The following PPARGC1A variants were observed in gnomAD, a reference collection of about 807,000 sequenced individuals.
The protein encoded by PPARGC1A is PPARG coactivator 1 alpha.
In PPARGC1A, 25 loss-of-function variants were observed where a neutral mutation model predicts 88.7. The ratio of observed to expected loss-of-function variants is 0.28; its 90% CI spans 0.21 to 0.39. PPARGC1A has a LOEUF of 0.39. PPARGC1A is among the 10% of genes least tolerant of loss of function. The pLI, the probability that PPARGC1A is intolerant of heterozygous loss-of-function variation, is 1.00. For synonymous variants in PPARGC1A, 363 were observed against 355.6 expected (o/e 1.02, Z -0.24); for missense variants, 880 against 968.7 (o/e 0.91, Z 1.22).
At chr4:24,080,188 C>A in the PPARGC1A span, among the ~76,000 whole-genome samples, 1 of 151,954 alleles carries the variant, frequency 6.6e-6, no homozygotes, top group Non-Finnish European at 1.5e-5. Context: ...GAAGATGACA[C>A]CTATCTCCAT....
At chr4:23,797,724 T>C (rs565315169) in intron 12 of PPARGC1A, among the ~76,000 whole-genome samples, 69 of 152,278 alleles carry the variant, frequency 4.5e-4, no homozygotes, top group African/African-American at 1.6e-3. Flanking sequence ...AAAATATTTT[T>C]TGTTGCATGA....
the PPARGC1A span, among the ~76,000 whole-genome samples, chr4:24,130,472 AC>A: frequency 6.6e-6 from 1 of 152,194 alleles, no homozygotes; most frequent in Non-Finnish European, 1.5e-5. Context: ...TCTGAGCCTT[AC>A]AATGATATCT....
chr4:23,948,760 T>C, the PPARGC1A span, among the ~76,000 whole-genome samples: 1 of 152,336 alleles, frequency 6.6e-6, no homozygotes, highest in South Asian at 2.1e-4. Context: ...ATAAATTATA[T>C]GATCACTCTG....
chr4:24,376,667 G>T, the PPARGC1A span, among the ~76,000 whole-genome samples: 1 of 152,176 alleles, frequency 6.6e-6, no homozygotes, highest in South Asian at 2.1e-4. Context: ...AATATTTATG[G>T]GTGCCTAAAA....
chr4:24,207,013 T>C, the PPARGC1A span, among the ~76,000 whole-genome samples: 1 of 152,100 alleles, frequency 6.6e-6, no homozygotes. Flanking sequence ...TTTACTTCCT[T>C]TGAATCACAA....
At chr4:24,331,964 G>T in the PPARGC1A span, among the ~76,000 whole-genome samples, 9 of 151,730 alleles carry the variant, frequency 5.9e-5, no homozygotes, top group Non-Finnish European at 1.3e-4. Context: ...GCCCCGGTGT[G>T]TGACGTTCCC....
At chr4:24,251,088 A>G in the PPARGC1A span, among the ~76,000 whole-genome samples, 3 of 152,226 alleles carry the variant, frequency 2.0e-5, no homozygotes, top group Non-Finnish European at 2.9e-5. Context: ...CTGGGCAACA[A>G]TATCTGTAAA....
the PPARGC1A span, among the ~76,000 whole-genome samples, chr4:24,029,902 A>T: frequency 6.6e-6 from 1 of 152,170 alleles, no homozygotes; most frequent in Non-Finnish European, 1.5e-5. Flanking sequence ...ATTTGGGGGG[A>T]TGGCATATGC....
At chr4:24,310,075 G>T in the PPARGC1A span, among the ~76,000 whole-genome samples, 3 of 152,086 alleles carry the variant, frequency 2.0e-5, no homozygotes, top group African/African-American at 2.4e-5. Flanking sequence ...AAGATATTTC[G>T]CAAAGAGAAA....
At chr4:24,266,556 G>C in the PPARGC1A span, among the ~76,000 whole-genome samples, 1 of 152,106 alleles carries the variant, frequency 6.6e-6, no homozygotes, top group Admixed American at 6.5e-5. Context: ...GGGTAAGTTA[G>C]CAAATAAGTA....
At chr4:23,799,802 T>C (rs1718325540) in intron 12 of PPARGC1A, among the ~76,000 whole-genome samples, 1 of 152,134 alleles carries the variant, frequency 6.6e-6, no homozygotes, top group South Asian at 2.1e-4. Context: ...TGAATCGTGA[T>C]CTAAAGGCCC....
chr4:23,960,647 C>T, the PPARGC1A span, among the ~76,000 whole-genome samples: 16 of 152,030 alleles, frequency 1.1e-4, no homozygotes, highest in African/African-American at 3.1e-4. Context: ...TCATTATTTC[C>T]GGCAGAGAGC....
At chr4:24,218,892 T>C in the PPARGC1A span, among the ~76,000 whole-genome samples, 1 of 152,234 alleles carries the variant, frequency 6.6e-6, no homozygotes, top group Non-Finnish European at 1.5e-5. Flanking sequence ...TCCAGTGACA[T>C]TTCCATGTCC....
the PPARGC1A span, among the ~76,000 whole-genome samples, chr4:24,261,294 C>T: frequency 6.6e-6 from 1 of 152,162 alleles, no homozygotes; most frequent in African/African-American, 2.4e-5. Flanking sequence ...CCTGCCCTGG[C>T]ACTCCTTCTC....
At chr4:24,333,403 A>G in the PPARGC1A span, among the ~76,000 whole-genome samples, 1 of 152,218 alleles carries the variant, frequency 6.6e-6, no homozygotes, top group African/African-American at 2.4e-5. Flanking sequence ...TTCACAAATG[A>G]CTATTACCTG....
At chr4:23,978,832 TA>T in the PPARGC1A span, among the ~76,000 whole-genome samples, 2 of 152,138 alleles carry the variant, frequency 1.3e-5, no homozygotes, top group South Asian at 4.2e-4. Flanking sequence ...AGGAACAAAA[TA>T]AAATGAAATG....
the PPARGC1A span, among the ~76,000 whole-genome samples, chr4:24,400,152 A>G: frequency 1.3e-5 from 2 of 152,284 alleles, no homozygotes; most frequent in East Asian, 3.9e-4. Flanking sequence ...TACACTTGTG[A>G]TGGTTAATAC....
At chr4:24,020,716 G>A in the PPARGC1A span, among the ~76,000 whole-genome samples, 1 of 152,124 alleles carries the variant, frequency 6.6e-6, no homozygotes, top group Non-Finnish European at 1.5e-5. Context: ...AGGGGGGACA[G>A]AGGAGGCGCC....
At chr4:23,811,545 G>A (rs552322372) in intron 10 of PPARGC1A, among the ~76,000 whole-genome samples, 25 of 152,216 alleles carry the variant, frequency 1.6e-4, no homozygotes, top group Non-Finnish European at 2.6e-4. Context: ...TTCCATTATC[G>A]ATTAGGAATG....
Sources: gnomAD v4.1 joint callset for allele counts (sites outside exome capture counted in the v4.1 genomes callset) on GRCh38, gnomAD v4.1.1 for gene constraint, MANE v1.5 for transcripts, NCBI Gene and HGNC (gene_info 2026-07-23, HGNC 2026-07-21) for gene names.